Variants in CHRM3 observed in about 807,000 individuals in gnomAD.
The protein encoded by CHRM3 is muscarinic acetylcholine receptor M3.
In CHRM3, 11 loss-of-function variants were observed where a neutral mutation model predicts 41.8. That is an observed-to-expected ratio of 0.26 (90% CI 0.17 to 0.44). CHRM3 has a LOEUF of 0.44. Ranked by LOEUF, CHRM3 falls within the 20% of genes least tolerant of loss-of-function variation. The probability of loss-of-function intolerance (pLI) is 1.00; values close to 1 mark genes in which losing one functional copy is unlikely to be tolerated. For synonymous variants in CHRM3, 297 were observed against 301.4 expected, an observed-to-expected ratio of 0.99 and a Z score of 0.15; for missense variants, 571 against 745.4, an observed-to-expected ratio of 0.77 and a Z score of 2.72.
At chr1:239,716,964 A>T (rs1168402530) in intron 5 of CHRM3, among the ~76,000 whole-genome samples, 1 of 152,096 alleles carries the variant, frequency 6.6e-6, no homozygotes, top group Non-Finnish European at 1.5e-5. Context: ...GTTCCAGATA[A>T]TAGTTATGAG....
intron 1 of CHRM3, among the ~76,000 whole-genome samples, chr1:239,418,500 C>T (rs1661682034): frequency 1.3e-5 from 2 of 152,122 alleles, no homozygotes; most frequent in South Asian, 4.1e-4. Context: ...CAAAGTTTCC[C>T]ATTTCTTGGA....
At chr1:239,662,880 C>T (rs1224257747) in intron 4 of CHRM3, among the ~76,000 whole-genome samples, 2 of 143,340 alleles carry the variant, frequency 1.4e-5, no homozygotes, top group East Asian at 4.1e-4. Context: ...TCCTCTTTCT[C>T]CTCTTCCTCC....
At chr1:239,604,402 C>A (rs1209504097) in intron 3 of CHRM3, among the ~76,000 whole-genome samples, 1 of 151,704 alleles carries the variant, frequency 6.6e-6, no homozygotes, top group Non-Finnish European at 1.5e-5. Flanking sequence ...TCTTATGCTT[C>A]CTGGGCTAGA....
chr1:239,874,326 T>TATATATATACAC (rs1327295792), intron 6 of CHRM3, among the ~76,000 whole-genome samples: 6 of 121,984 alleles, frequency 4.9e-5, no homozygotes, highest in African/African-American at 1.5e-4. Flanking sequence ...TATATATATA[T>TATATATATACAC]ACACAGTTGA....
rs1680357195 is a variant in CHRM3, at chr1:239,911,302, C to T, written c.*2078C>T. On this transcript the variant is annotated 3_prime_UTR_variant, in exon 7 of 7. Coordinates refer to ENST00000676153, the MANE Select transcript of CHRM3 (RefSeq NM_001375978.1). ...ATTGTAAGAATGATTTTTTTGGGCCCACATTCAACCAAAGAACAAGAAAGA... is the reference window on the plus strand; with the variant it reads ...ATTGTAAGAATGATTTTTTTGGGCCTACATTCAACCAAAGAACAAGAAAGA... The T allele has an allele frequency of 6.0e-6, 1 of 166,160 alleles. No individual in the cohort carries two copies. Among genetic ancestry groups the T allele is most frequent in the South Asian group, 2.1e-4 (1 of 4,782 alleles). 10.3% of individuals were successfully genotyped at this position (166,160 alleles called of 1,614,324 possible). A position where few individuals can be genotyped will look rare whatever the true frequency, so the allele number is the denominator to read the frequency against.
chr1:239,401,144 C>T (rs1440342120), intron 1 of CHRM3, among the ~76,000 whole-genome samples: 9 of 152,104 alleles, frequency 5.9e-5, no homozygotes, highest in South Asian at 2.1e-4. Flanking sequence ...TGTTAAGCTA[C>T]GGATGAAATA....
chr1:239,652,842 G>C (rs1672361105), intron 4 of CHRM3, among the ~76,000 whole-genome samples: 1 of 152,030 alleles, frequency 6.6e-6, no homozygotes, highest in Admixed American at 6.6e-5. Context: ...CAAACAAAGT[G>C]GTCCATAAGA....
At chr1:239,901,863 G>T (rs775981806) in intron 6 of CHRM3, among the ~76,000 whole-genome samples, 6 of 152,162 alleles carry the variant, frequency 3.9e-5, no homozygotes, top group Non-Finnish European at 8.8e-5. Flanking sequence ...TTTCTAGAGG[G>T]TAGATACCTA....
chr1:239,740,549 C>T (rs970179630), intron 5 of CHRM3, among the ~76,000 whole-genome samples: 3 of 151,742 alleles, frequency 2.0e-5, no homozygotes, highest in Non-Finnish European at 4.4e-5. Flanking sequence ...TTTGCTGCAC[C>T]GATCAACCCA....
chr1:239,601,756 C>A (rs1343841199), intron 3 of CHRM3, among the ~76,000 whole-genome samples: 2 of 152,052 alleles, frequency 1.3e-5, no homozygotes, highest in African/African-American at 2.4e-5. Flanking sequence ...TGTGGCTGCT[C>A]TTATAGTTGT....
intron 5 of CHRM3, among the ~76,000 whole-genome samples, chr1:239,793,264 T>G (rs1669493595): frequency 6.6e-6 from 1 of 152,216 alleles, no homozygotes; most frequent in Non-Finnish European, 1.5e-5. Context: ...TTACCTTTTC[T>G]TCCAAGAGTG....
intron 5 of CHRM3, among the ~76,000 whole-genome samples, chr1:239,701,963 A>T (rs1229121602): frequency 6.6e-6 from 1 of 152,156 alleles, no homozygotes; most frequent in East Asian, 1.9e-4. Context: ...AATCACTCTA[A>T]GTCAACTCCT....
chr1:239,562,208 CAA>C (rs1377097476), intron 3 of CHRM3, among the ~76,000 whole-genome samples: 1 of 152,118 alleles, frequency 6.6e-6, no homozygotes, highest in Non-Finnish European at 1.5e-5. Context: ...ACTTCTGAAA[CAA>C]AGGGGAAGGG....
chr1:239,511,409 A>G (rs1470390597), intron 2 of CHRM3, among the ~76,000 whole-genome samples: 1 of 152,228 alleles, frequency 6.6e-6, no homozygotes, highest in African/African-American at 2.4e-5. Context: ...CTTTGTTACT[A>G]TGTAACTGAA....
At chr1:239,788,639 A>C (rs964720950) in intron 5 of CHRM3, among the ~76,000 whole-genome samples, 5 of 151,966 alleles carry the variant, frequency 3.3e-5, no homozygotes, top group Non-Finnish European at 7.4e-5. Flanking sequence ...GGTGGTAGAC[A>C]CCTGTAATCC....
intron 5 of CHRM3, among the ~76,000 whole-genome samples, chr1:239,825,346 A>G (rs1396276640): frequency 6.6e-6 from 1 of 152,188 alleles, no homozygotes; most frequent in Non-Finnish European, 1.5e-5. Context: ...CAATACACAT[A>G]TGCCAAGTGC....
chr1:239,816,723 T>C (rs2149017493), intron 5 of CHRM3, among the ~76,000 whole-genome samples: 1 of 139,670 alleles, frequency 7.2e-6, no homozygotes, highest in South Asian at 2.4e-4. Context: ...AGCCTGTCTG[T>C]GCCTCAGTCT....
chr1:239,519,741 CTTTTTTTTTTTTT>C (rs386370161), intron 2 of CHRM3, among the ~76,000 whole-genome samples: 4 of 85,054 alleles, frequency 4.7e-5, no homozygotes, highest in South Asian at 5.0e-4. Flanking sequence ...AAAACTAGTT[CTTTTTTTTTTTTT>C]TTTTTTTTTT....
At chr1:239,562,707 G>A (rs1048804165) in intron 3 of CHRM3, among the ~76,000 whole-genome samples, 5 of 152,048 alleles carry the variant, frequency 3.3e-5, no homozygotes, top group Non-Finnish European at 7.4e-5. Context: ...TGTCAACATA[G>A]TGAAACCCCA....
Sources: gnomAD v4.1 joint callset for allele counts (sites outside exome capture counted in the v4.1 genomes callset) on GRCh38, gnomAD v4.1.1 for gene constraint, MANE v1.5 for transcripts, NCBI Gene and HGNC (gene_info 2026-07-23, HGNC 2026-07-21) for gene names.